The following THADA variants were observed in gnomAD, a reference collection of about 807,000 sequenced individuals.
The protein encoded by THADA is tRNA (32-2'-O)-methyltransferase regulator THADA.
In THADA, 213 loss-of-function variants were observed where a neutral mutation model predicts 219.8. The ratio of observed to expected loss-of-function variants is 0.97; its 90% CI spans 0.87 to 1.09. THADA has a LOEUF of 1.09. THADA is among the 50% of genes least tolerant of loss of function. The pLI is 0.00. For synonymous variants in THADA, 1,018 were observed against 828.9 expected, an observed-to-expected ratio of 1.23 and a Z score of -3.92; for missense variants, 2,956 against 2,311.3, an observed-to-expected ratio of 1.28 and a Z score of -5.72.
chr2:43,296,044 T>G (rs1293502010), intron 31 of THADA, among the ~76,000 whole-genome samples: 3 of 150,084 alleles, frequency 2.0e-5, no homozygotes, highest in Non-Finnish European at 4.4e-5. Flanking sequence ...CTCAGCCTCC[T>G]GAGTAGCTGG....
chr2:43,537,303 T>C (rs17031016), intron 21 of THADA, among the ~76,000 whole-genome samples: 19,912 of 152,232 alleles, frequency 0.13, 1,574 homozygotes, highest in African/African-American at 0.21. Flanking sequence ...TGAATTTCTG[T>C]CTGGTATCCT....
At chr2:43,326,184 A>G (rs531326206) in intron 30 of THADA, among the ~76,000 whole-genome samples, 2 of 142,750 alleles carry the variant, frequency 1.4e-5, no homozygotes, top group African/African-American at 2.6e-5. Flanking sequence ...AAAAAAAAAA[A>G]CACTTGAAAG....
chr2:43,476,238 A>C (rs1378380432), intron 26 of THADA, among the ~76,000 whole-genome samples: 2 of 152,148 alleles, frequency 1.3e-5, no homozygotes, highest in South Asian at 2.1e-4. Flanking sequence ...AACAGGAGGA[A>C]ATGCTGTTGC....
intron 31 of THADA, among the ~76,000 whole-genome samples, chr2:43,312,722 T>G (rs1036349562): frequency 5.9e-5 from 9 of 151,810 alleles, no homozygotes; most frequent in Middle Eastern, 3.2e-3. Flanking sequence ...AGCCTGTTTT[T>G]TTTTTTTTTT....
intron 31 of THADA, among the ~76,000 whole-genome samples, chr2:43,296,634 T>C (rs1422398022): frequency 6.6e-6 from 1 of 152,178 alleles, no homozygotes; most frequent in Admixed American, 6.5e-5. Context: ...CTTCAACCTC[T>C]GTGTCATCTC....
intron 36 of THADA, among the ~76,000 whole-genome samples, chr2:43,255,021 C>T (rs1670163612): frequency 6.6e-6 from 1 of 152,190 alleles, no homozygotes; most frequent in South Asian, 2.1e-4. Context: ...AGCAGCTTTA[C>T]TCCAGCTGGA....
chr2:43,365,657 G>C (rs1670058379), intron 29 of THADA, among the ~76,000 whole-genome samples: 1 of 151,876 alleles, frequency 6.6e-6, no homozygotes, highest in Non-Finnish European at 1.5e-5. Flanking sequence ...CAAAAGATGA[G>C]GCTGGCTTGC....
chr2:43,576,891 G>A (rs999471787), intron 10 of THADA, 131 bp downstream of exon 10: 45 of 771,916 alleles, frequency 5.8e-5, no homozygotes, highest in Non-Finnish European at 9.1e-5. Flanking sequence ...CTGGCCTCAA[G>A]TGATCCTCTT....
chr2:43,495,422 T>C (rs2105049102), intron 25 of THADA, among the ~76,000 whole-genome samples: 1 of 152,202 alleles, frequency 6.6e-6, no homozygotes, highest in Non-Finnish European at 1.5e-5. Context: ...TATGCAGCCT[T>C]TTGTGGATAT....
At chr2:43,296,790 G>A (rs1675443302) in intron 31 of THADA, among the ~76,000 whole-genome samples, 1 of 152,156 alleles carries the variant, frequency 6.6e-6, no homozygotes, top group African/African-American at 2.4e-5. Context: ...TCATTTATTT[G>A]GCACAGTCAG....
chr2:43,323,949 G>A (rs150245487), intron 30 of THADA, among the ~76,000 whole-genome samples: 28 of 152,304 alleles, frequency 1.8e-4, no homozygotes, highest in Admixed American at 5.9e-4. Context: ...TTGATAAGGT[G>A]GAAACAAGAG....
intron 30 of THADA, among the ~76,000 whole-genome samples, chr2:43,329,536 G>A (rs1679719924): frequency 6.6e-6 from 1 of 152,068 alleles, no homozygotes; most frequent in Non-Finnish European, 1.5e-5. Flanking sequence ...TATATTAAAA[G>A]TTTTCTCTTT....
Position 43,305,064 on chromosome 2 carries a change from A to G in THADA, c.4439-11851T>C, listed in dbSNP as rs568929710. Among the ~76,000 whole-genome samples the G allele has an allele frequency of 8.5e-5, 13 of 152,336 alleles. No individual in the cohort carries two copies. In the East Asian group the frequency reaches 2.5e-3, roughly 29 times the overall value. On this transcript the variant is annotated intron_variant, in intron 31 of 37. Transcript: ENST00000405975. ...CAGAGCTCTGTAATCAGATCCAACA[A>G]AAGTTTTTATCTGAAATGGTGGATA... is the stretch of plus-strand genomic sequence containing the variant.
At chr2:43,396,213 C>A (rs1024516842) in intron 29 of THADA, among the ~76,000 whole-genome samples, 1 of 152,188 alleles carries the variant, frequency 6.6e-6, no homozygotes, top group Non-Finnish European at 1.5e-5. Context: ...TGGGGGCTAC[C>A]CACTGGGAGC....
intron 29 of THADA, among the ~76,000 whole-genome samples, chr2:43,348,245 G>A (rs960259322): frequency 3.3e-5 from 5 of 152,164 alleles, no homozygotes; most frequent in South Asian, 2.1e-4. Flanking sequence ...TCACCTGGCC[G>A]GAGCTGAGCA....
intron 19 of THADA, 65 bp from the exon 20 acceptor site, chr2:43,549,433 G>C: frequency 6.8e-7 from 1 of 1,476,578 alleles, no homozygotes; most frequent in Non-Finnish European, 9.0e-7. Context: ...TTCCCTTGGG[G>C]ATGCTTACTC....
At chr2:43,542,196 C>A (rs1695417603) in intron 20 of THADA, among the ~76,000 whole-genome samples, 1 of 152,018 alleles carries the variant, frequency 6.6e-6, no homozygotes, top group Non-Finnish European at 1.5e-5. Flanking sequence ...AGGGTAACCT[C>A]ATTTGTGTTT....
At chr2:43,332,047 T>C (rs1260258393) in intron 30 of THADA, among the ~76,000 whole-genome samples, 1 of 152,170 alleles carries the variant, frequency 6.6e-6, no homozygotes, top group East Asian at 1.9e-4. Flanking sequence ...ACTATACAAG[T>C]GTAACTTTAC....
At chr2:43,277,842 A>T (rs1360009967) in intron 36 of THADA, among the ~76,000 whole-genome samples, 3 of 152,250 alleles carry the variant, frequency 2.0e-5, no homozygotes, top group Non-Finnish European at 4.4e-5. Context: ...AACACCAAAG[A>T]GGAAAACATC....
Sources: allele counts gnomAD v4.1 joint callset (sites outside exome capture counted in the v4.1 genomes callset), GRCh38; gene constraint gnomAD v4.1.1; transcripts MANE v1.5; gene names NCBI Gene and HGNC (gene_info 2026-07-23, HGNC 2026-07-21).